KIRREL3: variants seen among roughly 807,000 people sequenced by gnomAD.
The protein encoded by KIRREL3 is kin of IRRE-like protein 3.
KIRREL3 carries 36 observed loss-of-function variants against 89.7 expected under a neutral mutation model. That is an observed-to-expected ratio of 0.40 (90% CI 0.31 to 0.53). The LOEUF is 0.53. KIRREL3 is among the 20% of genes least tolerant of loss of function. The pLI is 0.49. For missense variants in KIRREL3, 864 were observed against 1,056.6 expected, an observed-to-expected ratio of 0.82 and a Z score of 2.53; for synonymous variants, 445 against 441.4, an observed-to-expected ratio of 1.01 and a Z score of -0.10.
At chr11:126,803,071 G>T (rs567754082) in intron 1 of KIRREL3, among the ~76,000 whole-genome samples, 90 of 152,322 alleles carry the variant, frequency 5.9e-4, no homozygotes, top group Middle Eastern at 3.4e-3. Context: ...GATTCCAGGT[G>T]CTTTGAGGAA....
Position 126,604,228 on chromosome 11 carries a change from C to T in KIRREL3, c.56-41316G>A, listed in dbSNP as rs146894926. On this transcript the variant is annotated intron_variant, in intron 1 of 16. Transcript: ENST00000525144. Reference sequence around the variant, plus strand: ...TATTATGACCACTGTATTTCTGAACCGAAAACGAGGACGCAGAGCTGACAG... The same window carrying T: ...TATTATGACCACTGTATTTCTGAACTGAAAACGAGGACGCAGAGCTGACAG... Among the ~76,000 whole-genome samples, 980 of 152,198 alleles carry T rather than the reference C, an allele frequency of 6.4e-3. 15 individuals carry two copies. Among genetic ancestry groups the T allele is most frequent in the African/African-American group, 0.022 (922 of 41,532 alleles).
Position 126,879,707 on chromosome 11 carries a change from C to CT in KIRREL3, c.55+120747dup, listed in dbSNP as rs1945423786. On this transcript the variant is annotated intron_variant, in intron 1 of 16. Coordinates refer to ENST00000525144, the MANE Select transcript of KIRREL3 (RefSeq NM_032531.4). The surrounding 1 kb of genome is among the most constrained non-coding windows in gnomAD (Gnocchi z 5.4). ...GATATTTGTGGTTCAGTCATTTAAC[C>CT]TTTGCACATTTCTGAGTGGGTCATC... Among the ~76,000 whole-genome samples the CT allele has an allele frequency of 6.6e-6, 1 of 152,190 alleles. No homozygotes were observed. Among genetic ancestry groups the CT allele is most frequent in the Non-Finnish European group, 1.5e-5 (1 of 68,042 alleles).
At chr11:126,789,858 CT>C (rs1005782768) in intron 1 of KIRREL3, among the ~76,000 whole-genome samples, 3 of 152,226 alleles carry the variant, frequency 2.0e-5, no homozygotes, top group Non-Finnish European at 2.9e-5. Flanking sequence ...CTTTCTCTTT[CT>C]GGGCTGTACT....
In KIRREL3 at chr11:126,459,864, G is replaced by C. The variant is rs1008568278; in HGVS notation, c.742+3293C>G. On this transcript the variant is annotated intron_variant, in intron 6 of 16. Transcript: ENST00000525144. This position sits in a 1 kb window ranked among gnomAD's most constrained non-coding sequence, Gnocchi z 4.8. Reference sequence around the variant, plus strand: ...TGGACACAGAGTCCAGATGTGGTGAGGCTTTGGGGGTGTTAAGCTTTCTCT... The same window carrying C: ...TGGACACAGAGTCCAGATGTGGTGACGCTTTGGGGGTGTTAAGCTTTCTCT... Among the ~76,000 whole-genome samples, 1 of 152,180 alleles carries C rather than the reference G, an allele frequency of 6.6e-6. No individual in the cohort carries two copies. Among genetic ancestry groups the C allele is most frequent in the African/African-American group, 2.4e-5 (1 of 41,450 alleles).
rs1956899560 is a variant in KIRREL3 at position 126,471,767 on chromosome 11, A to C, written c.591+1542T>G. On this transcript the variant is annotated intron_variant, in intron 5 of 16. Coordinates refer to ENST00000525144, the MANE Select transcript of KIRREL3 (RefSeq NM_032531.4). This position sits in a 1 kb window ranked among gnomAD's most constrained non-coding sequence, Gnocchi z 5.4. ...TGCTTTGATATAAAGCCTGCTTGCT[A>C]TCTCCAGGAATTAGCTTACCCTGGT... 6.6e-6 allele frequency among the ~76,000 whole-genome samples: 1 copy of C among 152,126 alleles called. No individual in the cohort carries two copies.
intron 8 of KIRREL3, among the ~76,000 whole-genome samples, 169 bp downstream of exon 8, chr11:126,448,840 T>A (rs1030109227): frequency 3.1e-4 from 47 of 152,192 alleles, no homozygotes; most frequent in African/African-American, 1.1e-3. Context: ...GGGATTGAAA[T>A]AAACATGAAA....
At chr11:126,856,441 C>T (rs991991428) in intron 1 of KIRREL3, among the ~76,000 whole-genome samples, 11 of 151,870 alleles carry the variant, frequency 7.2e-5, no homozygotes, top group Non-Finnish European at 1.5e-4. Flanking sequence ...AACACTTGCT[C>T]ATGATAGAAT....
intron 1 of KIRREL3, among the ~76,000 whole-genome samples, chr11:126,839,032 C>G (rs530849084): frequency 6.6e-6 from 1 of 152,188 alleles, no homozygotes; most frequent in Non-Finnish European, 1.5e-5. Flanking sequence ...GAGGACTTGG[C>G]TTTTCTTCTT....
At position 126,523,970 on chromosome 11, in the gene KIRREL3, T is replaced by G. The variant is rs867388401; in HGVS notation, c.284-2506A>C. 6.6e-6 allele frequency among the ~76,000 whole-genome samples: 1 copy of G among 152,222 alleles called. No homozygotes were observed. Among genetic ancestry groups the G allele is most frequent in the African/African-American group, 2.4e-5 (1 of 41,456 alleles). On this transcript the variant is annotated intron_variant, in intron 3 of 16. Transcript: ENST00000525144. The surrounding 1 kb of genome is among the most constrained non-coding windows in gnomAD (Gnocchi z 4.9). ...CTATCCCAAGGACTGGCAGCATCTT[T>G]GAAAATCAGACTCAGAAGCATGGAT...
At chr11:126,916,024 T>C (rs1438580962) in intron 1 of KIRREL3, among the ~76,000 whole-genome samples, 1 of 152,194 alleles carries the variant, frequency 6.6e-6, no homozygotes, top group Non-Finnish European at 1.5e-5. Flanking sequence ...TAATATTTGT[T>C]GAATGAAGGA....
rs560357657 is a variant in KIRREL3 at position 126,509,644 on chromosome 11, A to G, written c.433+11671T>C. Reference sequence around the variant, plus strand: ...GAATTAAAGTCAACAGCTTCCAACTATCTGTCACTTTCCTGCCTTGTGGCA... The same window carrying G: ...GAATTAAAGTCAACAGCTTCCAACTGTCTGTCACTTTCCTGCCTTGTGGCA... On this transcript the variant is annotated intron_variant, in intron 4 of 16. Coordinates refer to ENST00000525144, the MANE Select transcript of KIRREL3 (RefSeq NM_032531.4). Among the ~76,000 whole-genome samples the G allele has an allele frequency of 2.6e-5, 4 of 152,322 alleles. No individual in the cohort carries two copies. The South Asian group carries it at 6.2e-4, about 24-fold the overall frequency.
chr11:126,705,494 A>T lies in KIRREL3; in HGVS notation c.56-142582T>A, dbSNP rs1947493945. ...ACCTGCTCCTGCTTCACCTTCTGCC[A>T]TGATTGGAAGCTTCCTGAGGCCTCA... On this transcript the variant is annotated intron_variant, in intron 1 of 16. Coordinates refer to ENST00000525144, the MANE Select transcript of KIRREL3 (RefSeq NM_032531.4). This position sits in a 1 kb window ranked among gnomAD's most constrained non-coding sequence, Gnocchi z 4.3. 6.6e-6 allele frequency among the ~76,000 whole-genome samples: 1 copy of T among 152,120 alleles called. No individual in the cohort carries two copies. The highest frequency in any genetic ancestry group is 2.4e-5 in the African/African-American group (1 of 41,426).
chr11:126,569,925 T>C lies in KIRREL3; in HGVS notation c.56-7013A>G, dbSNP rs1039913657. 1.3e-5 allele frequency among the ~76,000 whole-genome samples: 2 copies of C among 152,184 alleles called. No individual in the cohort carries two copies. Among genetic ancestry groups the C allele is most frequent in the Middle Eastern group, 3.2e-3 (1 of 316 alleles). Reference sequence around the variant, plus strand: ...GTTTGGAAAGTTTTCACTTTGATTCTGCTAAACTGCTTTCTGCATCGGTTC... The same window carrying C: ...GTTTGGAAAGTTTTCACTTTGATTCCGCTAAACTGCTTTCTGCATCGGTTC... On this transcript the variant is annotated intron_variant, in intron 1 of 16. Transcript: ENST00000525144. The surrounding 1 kb of genome is among the most constrained non-coding windows in gnomAD (Gnocchi z 6.5).
At chr11:126,663,691 G>A (rs73629176) in intron 1 of KIRREL3, among the ~76,000 whole-genome samples, 2,662 of 152,266 alleles carry the variant, frequency 0.017, 96 homozygotes, top group African/African-American at 0.06. Flanking sequence ...TCCAGCAATG[G>A]GGAGGCACAA....
At chr11:126,858,295 T>C (rs1944598287) in intron 1 of KIRREL3, among the ~76,000 whole-genome samples, 2 of 152,324 alleles carry the variant, frequency 1.3e-5, no homozygotes, top group Middle Eastern at 3.4e-3. Flanking sequence ...GATGAAGCAA[T>C]AGGACTTAAA....
At position 126,766,986 on chromosome 11, in the gene KIRREL3, G is replaced by A. The variant is rs1457595172; in HGVS notation, c.56-204074C>T. ...ACATAGATTAGAGACTCTGCATTGA[G>A]GAGGGGGTACTTGGTGGCTCTTTGT... On this transcript the variant is annotated intron_variant, in intron 1 of 16. Transcript: ENST00000525144. The surrounding 1 kb of genome is among the most constrained non-coding windows in gnomAD (Gnocchi z 4.2). Among the ~76,000 whole-genome samples the A allele has an allele frequency of 5.9e-5, 9 of 152,344 alleles. No individual in the cohort carries two copies. In the East Asian group the frequency reaches 1.2e-3, roughly 20 times the overall value.
rs1949022342 is a variant in KIRREL3, at chr11:126,742,754, C to T, written c.56-179842G>A. Reference sequence around the variant, plus strand: ...GACTTTAGAACCAGGCAGGCAAACACAGCTTCAGGGTGAGGTTAGGCAGCT... The same window carrying T: ...GACTTTAGAACCAGGCAGGCAAACATAGCTTCAGGGTGAGGTTAGGCAGCT... On this transcript the variant is annotated intron_variant, in intron 1 of 16. Transcript: ENST00000525144. The surrounding 1 kb of genome is among the most constrained non-coding windows in gnomAD (Gnocchi z 5.3). Among the ~76,000 whole-genome samples, 2 of 152,222 alleles carry T rather than the reference C, an allele frequency of 1.3e-5. No individual in the cohort carries two copies. The highest frequency in any genetic ancestry group is 1.3e-4 in the Admixed American group (2 of 15,284).
intron 1 of KIRREL3, among the ~76,000 whole-genome samples, chr11:126,950,378 AAAAC>A (rs971953704): frequency 4.6e-5 from 7 of 152,144 alleles, no homozygotes; most frequent in Non-Finnish European, 7.4e-5. Flanking sequence ...AACAAAAACA[AAAAC>A]AAACAAACAA....
rs182840555 is a variant in KIRREL3, at chr11:126,890,260, C to T, written c.55+110195G>A. 1.3e-3 allele frequency among the ~76,000 whole-genome samples: 191 copies of T among 152,260 alleles called. No individual in the cohort carries two copies. The highest frequency in any genetic ancestry group is 2.1e-3 in the Non-Finnish European group (141 of 68,014). On this transcript the variant is annotated intron_variant, in intron 1 of 16. Coordinates refer to ENST00000525144, the MANE Select transcript of KIRREL3 (RefSeq NM_032531.4). The surrounding 1 kb of genome is among the most constrained non-coding windows in gnomAD (Gnocchi z 5.1). ...AAGGGTCTTCTTCCTGAGCAGCCTT[C>T]CGAGAGTGCCTCATACCTAAGACAG...
Sources: gnomAD v4.1 joint callset for allele counts (sites outside exome capture counted in the v4.1 genomes callset) on GRCh38, gnomAD v4.1.1 for gene constraint, Gnocchi (gnomAD v3.1) non-coding constraint, MANE v1.5 for transcripts, NCBI Gene and HGNC (gene_info 2026-07-23, HGNC 2026-07-21) for gene names.